LGSN: variants seen among roughly 807,000 people sequenced by gnomAD.
LGSN encodes lengsin.
A neutral mutation model predicts 19.5 loss-of-function variants in LGSN; 21 were observed. That is an observed-to-expected ratio of 1.07 (90% CI 0.76 to 1.55). The LOEUF is 1.55. Among genes scored for constraint, LGSN ranks in the 40% most tolerant of loss-of-function variants. The pLI is 0.00. For missense variants in LGSN, 673 were observed against 608.5 expected, an observed-to-expected ratio of 1.11 and a Z score of -1.12; for synonymous variants, 257 against 215.6, an observed-to-expected ratio of 1.19 and a Z score of -1.68.
the LGSN span, among the ~76,000 whole-genome samples, chr6:63,374,539 G>C: frequency 6.6e-6 from 1 of 152,166 alleles, no homozygotes; most frequent in Non-Finnish European, 1.5e-5. Flanking sequence ...ACACATTTTA[G>C]TTGGAATAGA....
chr6:63,331,625 C>T, the LGSN span, among the ~76,000 whole-genome samples: 18 of 152,002 alleles, frequency 1.2e-4, no homozygotes, highest in South Asian at 2.1e-4. Context: ...TGCTCACCAA[C>T]GCAGCAGCAG....
chr6:63,468,241 G>C, the LGSN span, among the ~76,000 whole-genome samples: 1 of 151,996 alleles, frequency 6.6e-6, no homozygotes, highest in East Asian at 1.9e-4. Flanking sequence ...TGATTCTCCT[G>C]CCTCAGCCTC....
At chr6:63,544,010 A>G in the LGSN span, among the ~76,000 whole-genome samples, 2 of 152,238 alleles carry the variant, frequency 1.3e-5, no homozygotes, top group African/African-American at 4.8e-5. Flanking sequence ...TCAACCATTC[A>G]TTTCCTTCAC....
chr6:63,496,283 A>T, the LGSN span, among the ~76,000 whole-genome samples: 1 of 152,200 alleles, frequency 6.6e-6, no homozygotes, highest in Non-Finnish European at 1.5e-5. Context: ...TTTTCCATGT[A>T]TATTAGTCCC....
At chr6:63,479,463 G>T in the LGSN span, among the ~76,000 whole-genome samples, 17 of 152,050 alleles carry the variant, frequency 1.1e-4, no homozygotes, top group African/African-American at 3.1e-4. Flanking sequence ...CCCAAGGCTG[G>T]GCTCAGTGGG....
At chr6:63,424,783 G>A in the LGSN span, among the ~76,000 whole-genome samples, 34 of 152,082 alleles carry the variant, frequency 2.2e-4, no homozygotes, top group African/African-American at 7.5e-4. Context: ...ATGGTGCTGC[G>A]TGCCTGTAGT....
chr6:63,406,196 C>A, the LGSN span, among the ~76,000 whole-genome samples: 1 of 152,194 alleles, frequency 6.6e-6, no homozygotes, highest in Admixed American at 6.6e-5. Context: ...ATCTACAGAA[C>A]TCTCCACCCC....
At chr6:63,494,595 T>C in the LGSN span, among the ~76,000 whole-genome samples, 1 of 152,196 alleles carries the variant, frequency 6.6e-6, no homozygotes, top group African/African-American at 2.4e-5. Context: ...TAAAGAAGAA[T>C]AGCATCTGAA....
the LGSN span, among the ~76,000 whole-genome samples, chr6:63,388,843 A>G: frequency 1.3e-5 from 2 of 152,228 alleles, no homozygotes; most frequent in Non-Finnish European, 2.9e-5. Context: ...TAATAGACAA[A>G]AAGGCCATCA....
At chr6:63,450,703 T>C in the LGSN span, among the ~76,000 whole-genome samples, 2 of 151,864 alleles carry the variant, frequency 1.3e-5, no homozygotes, top group Non-Finnish European at 2.9e-5. Context: ...GACTGAGTCT[T>C]GCTCTGTGGC....
the LGSN span, among the ~76,000 whole-genome samples, chr6:63,566,558 T>C: frequency 1.3e-5 from 2 of 152,132 alleles, no homozygotes; most frequent in Admixed American, 1.3e-4. Context: ...ACGGGTACCC[T>C]AGAATACCTT....
chr6:63,325,888 T>C, the LGSN span, among the ~76,000 whole-genome samples: 1 of 152,072 alleles, frequency 6.6e-6, no homozygotes, highest in African/African-American at 2.4e-5. Context: ...TTCCACAGTG[T>C]GGAAGGGGAC....
Position 63,281,015 on chromosome 6 carries a change from G to A in LGSN, c.536C>T (p.Pro179Leu), listed in dbSNP as rs1278717535. 1 of 1,614,122 alleles carries A rather than the reference G, an allele frequency of 6.2e-7. No individual in the cohort carries two copies. Among genetic ancestry groups the A allele is most frequent in the East Asian group, 2.2e-5 (1 of 44,868 alleles). The part of the protein sequence containing the change: ...ICDTFTVTGE[P>L]LLTSPRYIAK... ...AATGTACCTTGGGGAAGTCAAAAGA[G>A]GCTCACCAGTCACAGTGAAGGTATC... Residue 179 changes from proline to leucine, a missense_variant, in exon 4 of 4, where the codon CCT becomes CTT. Physicochemically the swap from Pro to Leu is moderately conservative, Grantham distance 98. Coordinates refer to ENST00000370657, the MANE Select transcript of LGSN (RefSeq NM_016571.3).
At chr6:63,348,798 C>T in the LGSN span, among the ~76,000 whole-genome samples, 1 of 148,628 alleles carries the variant, frequency 6.7e-6, no homozygotes, top group Non-Finnish European at 1.5e-5. Flanking sequence ...GCTGTGTTGC[C>T]CGGGCTGGTC....
chr6:63,568,305 A>G, the LGSN span, among the ~76,000 whole-genome samples: 1 of 152,172 alleles, frequency 6.6e-6, no homozygotes, highest in Non-Finnish European at 1.5e-5. Context: ...TCTTCCTTTC[A>G]CTTGAACACT....
intron 1 of LGSN, among the ~76,000 whole-genome samples, chr6:63,315,042 A>C (rs1399469320): frequency 5.3e-5 from 8 of 152,204 alleles, no homozygotes; most frequent in African/African-American, 1.9e-4. Context: ...GACAGATGGG[A>C]TAAGAAGTCA....
chr6:63,364,133 T>C, the LGSN span, among the ~76,000 whole-genome samples: 2 of 151,956 alleles, frequency 1.3e-5, no homozygotes, highest in African/African-American at 2.4e-5. Flanking sequence ...CACAGATTGG[T>C]AAATTGGATA....
chr6:63,544,041 C>T, the LGSN span, among the ~76,000 whole-genome samples: 1 of 152,132 alleles, frequency 6.6e-6, no homozygotes, highest in African/African-American at 2.4e-5. Flanking sequence ...TTCTCCGCCC[C>T]CAACCCCGTA....
chr6:63,282,067 C>T (rs922529054), intron 3 of LGSN, among the ~76,000 whole-genome samples: 1 of 152,196 alleles, frequency 6.6e-6, no homozygotes, highest in East Asian at 1.9e-4. Context: ...TGCTAAGGTA[C>T]TTTCTAGCCA....
Sources: gnomAD v4.1 joint callset for allele counts (sites outside exome capture counted in the v4.1 genomes callset) on GRCh38, gnomAD v4.1.1 for gene constraint, MANE v1.5 for transcripts, NCBI Gene and HGNC (gene_info 2026-07-23, HGNC 2026-07-21) for gene names.